CFAP298: variants seen among roughly 807,000 people sequenced by gnomAD.
CFAP298 encodes the protein cilia and flagella associated protein 298.
Under a neutral mutation model 41.0 loss-of-function variants are expected in CFAP298, and 38 were observed. The observed-to-expected ratio is 0.93, with a 90% confidence interval of 0.72 to 1.22. CFAP298 has a LOEUF of 1.22. Ranked by LOEUF, CFAP298 falls within the 50% of genes most tolerant of loss-of-function variation. The pLI, the probability that CFAP298 is intolerant of heterozygous loss-of-function variation, is 0.00. For missense variants in CFAP298, 348 were observed against 360.3 expected (o/e 0.97, Z 0.28); for synonymous variants, 137 against 135.3 (o/e 1.01, Z -0.09).
intron 1 of CFAP298, among the ~76,000 whole-genome samples, chr21:32,611,796 C>G (rs567914724): frequency 6.6e-6 from 1 of 152,314 alleles, no homozygotes; most frequent in Non-Finnish European, 1.5e-5. Context: ...TGCACTAAGT[C>G]TGCTGTTCAG....
Position 32,601,901 on chromosome 21 carries a change from A to G in CFAP298, c.835T>C (p.Phe279Leu), listed in dbSNP as rs749424725. 14 of 1,612,906 alleles carry G rather than the reference A, an allele frequency of 8.7e-6. No homozygotes were observed. The highest frequency in any genetic ancestry group is 1.3e-5 in the African/African-American group (1 of 74,866). The change falls in exon 7 of 7, where the codon TTT becomes CTT. Residue 279 changes from phenylalanine (F) to leucine (L), a missense_variant. By Grantham distance (22) the Phe-to-Leu change is conservative. Coordinates refer to ENST00000290155, the MANE Select transcript of CFAP298 (RefSeq NM_021254.4). ...WADNTALKRH[F>L]HGVKDIKWRP... The stretch of plus-strand genomic sequence containing the variant: ...CACTTTATGTCTTTCACTCCATGAA[A>G]ATGTCTTTTCAAAGCAGTGTTATCC...
intron 3 of CFAP298, among the ~76,000 whole-genome samples, chr21:32,604,724 T>C (rs1407841218): frequency 1.3e-5 from 2 of 152,144 alleles, no homozygotes; most frequent in Non-Finnish European, 2.9e-5. Flanking sequence ...GGAGAGAAGA[T>C]GAGGCCAGCT....
At position 32,612,260 on chromosome 21, in the gene CFAP298, T is replaced by C; in HGVS notation, c.-17A>G. The C allele has an allele frequency of 6.8e-7, 1 of 1,469,454 alleles. No individual in the cohort carries two copies. The highest frequency in any genetic ancestry group is 9.4e-7 in the Non-Finnish European group (1 of 1,060,542). The allele number at this position is 1,469,454 out of a possible 1,614,324, so 91.0% of individuals were successfully genotyped here. A position where few individuals can be genotyped will look rare whatever the true frequency, so the allele number is the denominator to read the frequency against. ...CAGAACCATGGCGGTCCCGCCGAGG[T>C]ACTGAGGCGTTGAGAAGGCCCCGGC... On this transcript the variant is annotated 5_prime_UTR_variant, in exon 1 of 7. Transcript: ENST00000290155.
chr21:32,611,331 AT>A (rs2038988904), intron 1 of CFAP298, among the ~76,000 whole-genome samples: 2 of 134,422 alleles, frequency 1.5e-5, no homozygotes, highest in African/African-American at 6.4e-5. Context: ...ATATATATAT[AT>A]ATATATAATT....
rs781505271 is a variant in CFAP298, at chr21:32,599,609, C to A, written c.*2254G>T. 2.6e-5 allele frequency among the ~76,000 whole-genome samples: 4 copies of A among 152,188 alleles called. No homozygotes were observed. The highest frequency in any genetic ancestry group is 4.4e-5 in the Non-Finnish European group (3 of 68,036). ...ATTACTTTTGTTGATAAATTGATTT[C>A]TTGGGAAATCCTGGGAAAGTTCCTG... is the stretch of plus-strand genomic sequence containing the variant. On this transcript the variant is annotated 3_prime_UTR_variant, in exon 7 of 7. Transcript: ENST00000290155.
chr21:32,608,419 G>C (rs1406301275), intron 2 of CFAP298, among the ~76,000 whole-genome samples: 8 of 152,062 alleles, frequency 5.3e-5, no homozygotes, highest in Admixed American at 2.6e-4. Flanking sequence ...CACTTCGGAA[G>C]GCCAAGATGG....
chr21:32,601,862 TTCATCTTGGTCTCCACTTTATG>T lies in CFAP298; in HGVS notation c.852_873del (p.Asp284GlufsTer21), dbSNP rs779048666. 4.5e-6 allele frequency: 7 copies of T among 1,553,952 alleles called. No individual in the cohort carries two copies. The Admixed American group carries it at 6.7e-5, about 15-fold the overall frequency. ...TTGGAAGTGTCATCAGCTGGTGAAC[TTCATCTTGGTCTCCACTTTATG>T]TCTTTCACTCCATGAAAATGTCTTT... On this transcript the variant is annotated frameshift_variant and stop_lost, in exon 7 of 7. Transcript: ENST00000290155. LOFTEE classifies it high-confidence loss of function.
chr21:32,610,176 A>G (rs1453084025), intron 1 of CFAP298, among the ~76,000 whole-genome samples, 171 bp from the exon 2 acceptor site: 1 of 152,168 alleles, frequency 6.6e-6, no homozygotes, highest in African/African-American at 2.4e-5. Context: ...ACACGGGGGC[A>G]TGGTACTGGT....
intron 4 of CFAP298, among the ~76,000 whole-genome samples, chr21:32,603,772 A>G (rs1268851299): frequency 1.3e-5 from 2 of 152,386 alleles, no homozygotes; most frequent in African/African-American, 4.8e-5. Context: ...AGGTAAGACT[A>G]GAAACACAAA....
At chr21:32,609,774 A>C in intron 2 of CFAP298, 64 bp downstream of exon 2, 3 of 1,455,818 alleles carry the variant, frequency 2.1e-6, no homozygotes, top group Non-Finnish European at 2.8e-6. Context: ...AAAAAAAAAA[A>C]AGGAACTGTT....
At chr21:32,602,014 A>C in intron 6 of CFAP298, 41 bp from the exon 7 acceptor site, 1 of 1,283,382 alleles carries the variant, frequency 7.8e-7, no homozygotes, top group South Asian at 1.2e-5. Flanking sequence ...CATTTCAGGA[A>C]AGTGTTTTGC....
chr21:32,602,416 T>C, intron 5 of CFAP298, 49 bp from the exon 6 acceptor site: 1 of 1,582,278 alleles, frequency 6.3e-7, no homozygotes, highest in Non-Finnish European at 8.6e-7. Context: ...GTTCTTAGAG[T>C]GACAATCCTG....
intron 2 of CFAP298, among the ~76,000 whole-genome samples, chr21:32,608,656 CA>C (rs57270252): frequency 0.14 from 7,832 of 55,208 alleles, 108 homozygotes; most frequent in Middle Eastern, 0.33. Flanking sequence ...GACTCTGTCT[CA>C]AAAAAAAAAA....
chr21:32,612,292 G>C lies in CFAP298; in HGVS notation c.-49C>G. ...GCGTTGAGAAGGCCCCGGCTGCGTG[G>C]CCCGCGGGTCCTGCCGGCCGAGGGT... On this transcript the variant is annotated 5_prime_UTR_variant, in exon 1 of 7. Transcript: ENST00000290155. 1.4e-6 allele frequency: 2 copies of C among 1,390,378 alleles called. No homozygotes were observed. Among genetic ancestry groups the C allele is most frequent in the Non-Finnish European group, 2.0e-6 (2 of 1,022,560 alleles). The allele number at this position is 1,390,378 out of a possible 1,614,324, so 86.1% of individuals were successfully genotyped here.
chr21:32,610,425 G>T (rs2038964719), intron 1 of CFAP298, among the ~76,000 whole-genome samples: 1 of 152,098 alleles, frequency 6.6e-6, no homozygotes, highest in Non-Finnish European at 1.5e-5. Flanking sequence ...GGCTAGTCTA[G>T]AACTCCTAGG....
At position 32,609,957 on chromosome 21, in the gene CFAP298, T is replaced by G; in HGVS notation, c.188A>C (p.Gln63Pro). The part of the protein sequence containing the change: ...EHGIFLPPNM[Q>P]GLTDDQIEEL... ...TTCAATCTGATCATCGGTCAGTCCT[T>G]GCATATTAGGAGGGAGAAATATGCC... Residue 63 changes from glutamine to proline, a missense_variant, in exon 2 of 7, where the codon CAA (glutamine) becomes CCA (proline). Coordinates refer to ENST00000290155, the MANE Select transcript of CFAP298 (RefSeq NM_021254.4). 6.2e-7 allele frequency: 1 copy of G among 1,613,898 alleles called. No homozygotes were observed. The highest frequency in any genetic ancestry group is 8.5e-7 in the Non-Finnish European group (1 of 1,179,908).
chr21:32,608,975 T>C (rs1453104151), intron 2 of CFAP298, among the ~76,000 whole-genome samples: 1 of 152,206 alleles, frequency 6.6e-6, no homozygotes, highest in Admixed American at 6.5e-5. Context: ...GCGCTTTTAA[T>C]GCAGGTTAAA....
chr21:32,611,441 T>C (rs1483537353), intron 1 of CFAP298, among the ~76,000 whole-genome samples: 1 of 149,346 alleles, frequency 6.7e-6, no homozygotes, highest in Non-Finnish European at 1.5e-5. Context: ...TTAATTAAAA[T>C]GCAAATGTAA....
intron 3 of CFAP298, among the ~76,000 whole-genome samples, chr21:32,606,247 C>T (rs2038864461): frequency 1.3e-5 from 2 of 152,156 alleles, no homozygotes; most frequent in Admixed American, 1.3e-4. Flanking sequence ...ATCTCACAAC[C>T]AGCTGGAAAT....
Sources: allele counts gnomAD v4.1 joint callset (sites outside exome capture counted in the v4.1 genomes callset), GRCh38; gene constraint gnomAD v4.1.1; transcripts MANE v1.5; gene names NCBI Gene and HGNC (gene_info 2026-07-23, HGNC 2026-07-21).